ABCB9: variants seen among roughly 807,000 people sequenced by gnomAD.
ABCB9 encodes ATP binding cassette subfamily B member 9, also known as ABC-type oligopeptide transporter ABCB9.
A neutral mutation model predicts 62.0 loss-of-function variants in ABCB9; 36 were observed. That is an observed-to-expected ratio of 0.58 (90% CI 0.45 to 0.77). The LOEUF is 0.77. Ranked by LOEUF, ABCB9 falls within the 30% of genes least tolerant of loss-of-function variation. ABCB9 has a pLI of 0.00. For missense variants in ABCB9, 943 were observed against 1,054.7 expected (o/e 0.89, Z 1.47); for synonymous variants, 435 against 461.4 (o/e 0.94, Z 0.73).
At chr12:122,953,591 T>A (rs1466213733) in intron 2 of ABCB9, among the ~76,000 whole-genome samples, 1 of 152,194 alleles carries the variant, frequency 6.6e-6, no homozygotes, top group East Asian at 1.9e-4. Context: ...TTTCACCATG[T>A]TGGCCTGGCT....
Position 122,935,343 on chromosome 12 carries a change from A to G in ABCB9, c.1832T>C (p.Met611Thr). The change falls in exon 10 of 12, where the codon ATG becomes ACG. Residue 611 changes from methionine (M) to threonine (T), a missense_variant. By Grantham distance (81) the Met-to-Thr change is moderately conservative (BLOSUM62 -1). Transcript: ENST00000280560. ...SYGLPTVPFE[M>T]VVEAAQKANA... is the part of the protein sequence containing the mutation. ...GGCCTTCTGTGCGGCCTCCACCACC[A>G]TCTCGAAAGGCACAGTGGGCAGGCC... is the stretch of plus-strand genomic sequence containing the variant. 1.9e-6 allele frequency: 3 copies of G among 1,614,110 alleles called. No homozygotes were observed. The highest frequency in any genetic ancestry group is 1.1e-5 in the South Asian group (1 of 91,072).
In ABCB9 at chr12:122,964,180, C is replaced by T. The variant is rs1049671608; in HGVS notation, c.-88+2107G>A. On this transcript the variant is annotated intron_variant, in intron 1 of 11. Coordinates refer to ENST00000280560, the MANE Select transcript of ABCB9 (RefSeq NM_019625.4). This position sits in a 1 kb window ranked among gnomAD's most constrained non-coding sequence, Gnocchi z 4.7. ...CTCAGAAGTGGAACAGGAGGCAGAT[C>T]CGCAAGAGACTCAAAACCTGGACAG... Among the ~76,000 whole-genome samples the T allele has an allele frequency of 6.6e-6, 1 of 152,176 alleles. No homozygotes were observed. The highest frequency in any genetic ancestry group is 1.5e-5 in the Non-Finnish European group (1 of 68,026).
At chr12:122,943,994 A>G (rs1754855890) in intron 7 of ABCB9, among the ~76,000 whole-genome samples, 1 of 152,122 alleles carries the variant, frequency 6.6e-6, no homozygotes, top group South Asian at 2.1e-4. Flanking sequence ...GCTGGAGTAC[A>G]GTGGTGCGAT....
At chr12:122,953,894 C>A (rs1434144388) in intron 2 of ABCB9, among the ~76,000 whole-genome samples, 1 of 152,148 alleles carries the variant, frequency 6.6e-6, no homozygotes, top group Non-Finnish European at 1.5e-5. Flanking sequence ...AGGTTTGGTA[C>A]AATTATTCCT....
In ABCB9 at chr12:122,932,128, G is replaced by A. The variant is rs2035202991; in HGVS notation, c.2040+64C>T. ...TCTTCTCAGCATCCATCTGCTGGGCGATGGGGGCTCTGGCCACCTGGAGCC... is the reference window on the plus strand; with the variant it reads ...TCTTCTCAGCATCCATCTGCTGGGCAATGGGGGCTCTGGCCACCTGGAGCC... On this transcript the variant is annotated intron_variant, in intron 11 of 11. Transcript: ENST00000280560. This position sits in a 1 kb window ranked among gnomAD's most constrained non-coding sequence, Gnocchi z 4.7. 3.9e-6 allele frequency: 6 copies of A among 1,549,414 alleles called. No individual in the cohort carries two copies. Among genetic ancestry groups the A allele is most frequent in the South Asian group, 1.2e-5 (1 of 83,978 alleles).
chr12:122,961,073 AT>A (rs570860089), intron 1 of ABCB9, among the ~76,000 whole-genome samples: 2 of 151,014 alleles, frequency 1.3e-5, no homozygotes, highest in Non-Finnish European at 3.0e-5. Flanking sequence ...AAAAAAAAAA[AT>A]TTTTTTTAAT....
upstream of ABCB9, among the ~76,000 whole-genome samples, chr12:122,970,872 G>A (rs919785684): frequency 1.3e-5 from 2 of 152,186 alleles, no homozygotes; most frequent in Non-Finnish European, 2.9e-5. Flanking sequence ...AAGGCACGGA[G>A]GAACCTTCAA....
chr12:122,968,165 C>T (rs2037228309), upstream of ABCB9, among the ~76,000 whole-genome samples: 1 of 152,064 alleles, frequency 6.6e-6, no homozygotes, highest in Admixed American at 6.6e-5. Flanking sequence ...TAAAGTTGAA[C>T]CATGTTACTA....
chr12:122,950,649 C>T, intron 2 of ABCB9, 84 bp from the exon 3 acceptor site: 3 of 1,099,494 alleles, frequency 2.7e-6, no homozygotes, highest in Non-Finnish European at 4.0e-6. Flanking sequence ...AGTCCACACA[C>T]CAACCCCTCT....
chr12:122,963,836 G>A (rs1226744893), intron 1 of ABCB9, among the ~76,000 whole-genome samples: 14 of 152,242 alleles, frequency 9.2e-5, no homozygotes, highest in Admixed American at 2.6e-4. Context: ...CTCCAAAGAC[G>A]GTCAGGGCCA....
At position 122,929,829 on chromosome 12, in the gene ABCB9, G is replaced by A; in HGVS notation, c.*82C>T. 6.9e-7 allele frequency: 1 copy of A among 1,448,290 alleles called. No homozygotes were observed. The highest frequency in any genetic ancestry group is 9.1e-7 in the Non-Finnish European group (1 of 1,103,238). 89.7% of individuals were successfully genotyped at this position (1,448,290 alleles called of 1,614,324 possible). On this transcript the variant is annotated 3_prime_UTR_variant, in exon 12 of 12. Coordinates refer to ENST00000280560, the MANE Select transcript of ABCB9 (RefSeq NM_019625.4). This position sits in a 1 kb window ranked among gnomAD's most constrained non-coding sequence, Gnocchi z 6.0. ...TCAGTGCTGCAGGCCTGGGCTCGGA[G>A]GGCAGCTGGGGGCCTCCGTGGGCAC...
At chr12:122,918,862 A>C (rs1379157753), downstream of ABCB9, among the ~76,000 whole-genome samples, 18 of 152,148 alleles carry the variant, frequency 1.2e-4, no homozygotes, top group Admixed American at 1.2e-3. Context: ...TCACCCTGTA[A>C]AAAACATCTT....
intron 4 of ABCB9, 107 bp from the exon 5 acceptor site, chr12:122,948,936 CTA>C: frequency 1.2e-6 from 1 of 864,430 alleles, no homozygotes; most frequent in Non-Finnish European, 1.6e-6. Context: ...CCGGGCCTCC[CTA>C]CCTGTGGGCG....
chr12:122,949,741 G>T (rs370647876), intron 4 of ABCB9, 47 bp downstream of exon 4: 13 of 1,609,378 alleles, frequency 8.1e-6, no homozygotes, highest in Non-Finnish European at 1.1e-5. Flanking sequence ...AAGCCCACAG[G>T]GGTGGGGCCC....
chr12:122,929,554 CCCG>C lies in ABCB9; in HGVS notation c.*354_*356del, dbSNP rs1369887570. The C allele has an allele frequency of 8.6e-5, 91 of 1,054,726 alleles. No homozygotes were observed. Among genetic ancestry groups the C allele is most frequent in the Middle Eastern group, 4.4e-4 (1 of 2,288 alleles). 65.3% of individuals were successfully genotyped at this position (1,054,726 alleles called of 1,614,324 possible). On this transcript the variant is annotated 3_prime_UTR_variant, in exon 12 of 12. Coordinates refer to ENST00000280560, the MANE Select transcript of ABCB9 (RefSeq NM_019625.4). This position sits in a 1 kb window ranked among gnomAD's most constrained non-coding sequence, Gnocchi z 6.0. ...TTTCTAGAACATCTTGGTGAAAGTGCCCGCCATTACTCCCAATTAGAAAAAGGT... is the reference window on the plus strand; with the variant it reads ...TTTCTAGAACATCTTGGTGAAAGTGCCCATTACTCCCAATTAGAAAAAGGT...
chr12:122,934,304 A>G (rs2035344708), intron 10 of ABCB9, among the ~76,000 whole-genome samples: 1 of 152,204 alleles, frequency 6.6e-6, no homozygotes, highest in Non-Finnish European at 1.5e-5. Context: ...CTTATTCCTA[A>G]GGGAAAATTT....
At chr12:122,949,243 A>T (rs543145505) in intron 4 of ABCB9, 3 of 174,258 alleles carry the variant, frequency 1.7e-5, no homozygotes, top group African/African-American at 7.1e-5. Context: ...CCTAAGTTGG[A>T]CATTGTGCTA....
At position 122,959,249 on chromosome 12, in the gene ABCB9, G is replaced by A. The variant is rs2135907092; in HGVS notation, c.601+386C>T. On this transcript the variant is annotated intron_variant, in intron 2 of 11. Transcript: ENST00000280560. This position sits in a 1 kb window ranked among gnomAD's most constrained non-coding sequence, Gnocchi z 5.4. ...TGCCTGTAGTCCCAGCTACTTGAGA[G>A]GCTGAGGCAGGAGAATCACTTGAAG... Among the ~76,000 whole-genome samples, 1 of 152,018 alleles carries A rather than the reference G, an allele frequency of 6.6e-6. No homozygotes were observed. Among genetic ancestry groups the A allele is most frequent in the Middle Eastern group, 3.4e-3 (1 of 294 alleles).
intron 11 of ABCB9, chr12:122,921,086 A>G: frequency 6.5e-7 from 1 of 1,533,276 alleles, no homozygotes; most frequent in Non-Finnish European, 8.7e-7. Context: ...CAAAGGAAAC[A>G]TTGGGAGTCT....
Sources: allele counts gnomAD v4.1 joint callset (sites outside exome capture counted in the v4.1 genomes callset), GRCh38; gene constraint gnomAD v4.1.1; non-coding constraint Gnocchi (gnomAD v3.1); transcripts MANE v1.5; gene names NCBI Gene and HGNC (gene_info 2026-07-23, HGNC 2026-07-21).